BARX2: variants seen among roughly 807,000 people sequenced by gnomAD.
BARX2 encodes BARX homeobox 2.
In BARX2, 11 loss-of-function variants were observed where a neutral mutation model predicts 25.5. The observed-to-expected ratio is 0.43, with a 90% CI of 0.27 to 0.71. BARX2 has a LOEUF of 0.71. Among genes scored for constraint, BARX2 ranks in the 30% least tolerant of loss-of-function variants. The pLI is 0.19. For synonymous variants in BARX2, 137 were observed against 149.5 expected (o/e 0.92, Z 0.61); for missense variants, 360 against 359.9 (o/e 1.00, Z 0.00).
chr11:129,435,438 C>T (rs1475159191), intron 1 of BARX2, among the ~76,000 whole-genome samples: 1 of 152,206 alleles, frequency 6.6e-6, no homozygotes, highest in African/African-American at 2.4e-5. Context: ...AATGCCAACC[C>T]AGAGAAGAGA....
chr11:129,400,172 A>G (rs1861761493), intron 1 of BARX2, among the ~76,000 whole-genome samples: 1 of 152,204 alleles, frequency 6.6e-6, no homozygotes, highest in South Asian at 2.1e-4. Context: ...TTGAGTGCTT[A>G]CTTTTTGCCA....
chr11:129,443,655 A>G (rs752393997), intron 3 of BARX2, among the ~76,000 whole-genome samples: 1 of 152,190 alleles, frequency 6.6e-6, no homozygotes, highest in East Asian at 1.9e-4. Flanking sequence ...TAGCTAATGA[A>G]TATTTCCATC....
At chr11:129,407,949 C>T (rs1387311684) in intron 1 of BARX2, among the ~76,000 whole-genome samples, 1 of 147,924 alleles carries the variant, frequency 6.8e-6, no homozygotes, top group Non-Finnish European at 1.5e-5. Context: ...CACCTGTAAT[C>T]CCAGCACTTT....
chr11:129,415,924 C>T (rs1036020186), intron 1 of BARX2, among the ~76,000 whole-genome samples: 6 of 152,206 alleles, frequency 3.9e-5, no homozygotes, highest in Non-Finnish European at 7.3e-5. Flanking sequence ...CTGAGGCTTC[C>T]GATTGGATCC....
intron 2 of BARX2, chr11:129,437,256 C>G: frequency 1.7e-6 from 1 of 600,078 alleles, no homozygotes; most frequent in East Asian, 3.4e-5. Context: ...AGCCTGCCTG[C>G]GGCTAAACTT....
chr11:129,403,974 G>A (rs965137211), intron 1 of BARX2, among the ~76,000 whole-genome samples: 2 of 152,182 alleles, frequency 1.3e-5, no homozygotes, highest in Non-Finnish European at 2.9e-5. Flanking sequence ...AGAAAGGTCA[G>A]CAGGTATAAG....
At chr11:129,411,283 A>G (rs113522861) in intron 1 of BARX2, among the ~76,000 whole-genome samples, 9,014 of 149,878 alleles carry the variant, frequency 0.06, 353 homozygotes, top group Middle Eastern at 0.13. Context: ...AGGCAGGAGA[A>G]TGGCGTGAAT....
chr11:129,445,714 G>T (rs916727208), intron 3 of BARX2, among the ~76,000 whole-genome samples: 3 of 152,140 alleles, frequency 2.0e-5, no homozygotes, highest in East Asian at 1.9e-4. Context: ...ATTATAAAAA[G>T]GTACTCAGTC....
chr11:129,388,871 C>T lies in BARX2; in HGVS notation c.187+12649C>T, dbSNP rs145948839. 1.0e-3 allele frequency among the ~76,000 whole-genome samples: 159 copies of T among 152,278 alleles called. 1 individual carries two copies. The highest frequency in any genetic ancestry group is 1.6e-3 in the Admixed American group (25 of 15,294). On this transcript the variant is annotated intron_variant, in intron 1 of 3. Coordinates refer to ENST00000281437, the MANE Select transcript of BARX2 (RefSeq NM_003658.5). The stretch of plus-strand genomic sequence containing the variant: ...CCTACTGTTGGGGTTTTGAGTCAGA[C>T]GGTCCTGGGTTTTATTGTATTTTAT...
intron 1 of BARX2, among the ~76,000 whole-genome samples, chr11:129,430,352 T>G (rs922685914): frequency 6.6e-6 from 1 of 152,218 alleles, no homozygotes; most frequent in Admixed American, 6.5e-5. Flanking sequence ...AATAGATTAA[T>G]ATACATATTA....
chr11:129,424,228 A>G (rs1258402853), intron 1 of BARX2, among the ~76,000 whole-genome samples: 1 of 152,204 alleles, frequency 6.6e-6, no homozygotes, highest in African/African-American at 2.4e-5. Context: ...GAGTGAATTT[A>G]TGCATTCATC....
At chr11:129,400,467 A>G (rs186141960) in intron 1 of BARX2, among the ~76,000 whole-genome samples, 2 of 152,308 alleles carry the variant, frequency 1.3e-5, no homozygotes, top group East Asian at 3.9e-4. Flanking sequence ...GAGGCTTTGG[A>G]CATTCTGAGA....
chr11:129,410,518 T>G (rs1309911835), intron 1 of BARX2, among the ~76,000 whole-genome samples: 1 of 151,684 alleles, frequency 6.6e-6, no homozygotes, highest in East Asian at 1.9e-4. Flanking sequence ...GGGCCGTCTC[T>G]TTATCTGCAG....
In BARX2 at chr11:129,397,758, G is replaced by A. The variant is rs374268916; in HGVS notation, c.187+21536G>A. ...TTCCATGATGGGGGAAGGTGGGTGT[G>A]CTGAGGGACACCTAACTGAGACTGA... On this transcript the variant is annotated intron_variant, in intron 1 of 3. Coordinates refer to ENST00000281437, the MANE Select transcript of BARX2 (RefSeq NM_003658.5). Among the ~76,000 whole-genome samples the A allele has an allele frequency of 3.0e-4, 46 of 152,346 alleles. No individual in the cohort carries two copies. In the East Asian group the frequency reaches 8.1e-3, roughly 27 times the overall value.
intron 1 of BARX2, among the ~76,000 whole-genome samples, chr11:129,389,728 G>GAA (rs5795669): frequency 1.6e-4 from 23 of 146,212 alleles, no homozygotes; most frequent in South Asian, 4.3e-4. Flanking sequence ...TTTTTTTTTT[G>GAA]AAAAAAAATG....
At chr11:129,439,672 C>T (rs1036879575) in intron 2 of BARX2, among the ~76,000 whole-genome samples, 2 of 152,118 alleles carry the variant, frequency 1.3e-5, no homozygotes, top group African/African-American at 2.4e-5. Context: ...CTGTTCTAGA[C>T]CTGTGCATTT....
In BARX2 at chr11:129,423,117, A is replaced by ATT. The variant is rs397729545; in HGVS notation, c.188-13621_188-13620dup. On this transcript the variant is annotated intron_variant, in intron 1 of 3. Transcript: ENST00000281437. ...AGGGAGAAGAATGAAATCAGATTGG[A>ATT]TTTTTTTTTTTTTTCCCAAGACGGA... Among the ~76,000 whole-genome samples, 607 of 145,246 alleles carry ATT rather than the reference A, an allele frequency of 4.2e-3. 2 individuals carry two copies. The highest frequency in any genetic ancestry group is 9.7e-3 in the African/African-American group (382 of 39,564).
chr11:129,412,780 C>T (rs946336423), intron 1 of BARX2, among the ~76,000 whole-genome samples: 2 of 152,214 alleles, frequency 1.3e-5, no homozygotes, highest in African/African-American at 4.8e-5. Flanking sequence ...AGCTAGTCCT[C>T]ACTTTGGTCC....
chr11:129,451,550 G>T lies in BARX2; in HGVS notation c.*148G>T. ...TCCCTCCCTCCCACAGTTACCATTG[G>T]CCTTGTCATCGCAAGCATTTGACAA... On this transcript the variant is annotated 3_prime_UTR_variant, in exon 4 of 4. Transcript: ENST00000281437. 1.1e-6 allele frequency: 1 copy of T among 927,732 alleles called. No individual in the cohort carries two copies. The highest frequency in any genetic ancestry group is 1.8e-5 in the South Asian group (1 of 54,134). The allele number at this position is 927,732 out of a possible 1,614,324, so 57.5% of individuals were successfully genotyped here.
Sources: allele counts gnomAD v4.1 joint callset (sites outside exome capture counted in the v4.1 genomes callset), GRCh38; gene constraint gnomAD v4.1.1; transcripts MANE v1.5; gene names NCBI Gene and HGNC (gene_info 2026-07-23, HGNC 2026-07-21).